Variants in LRRC8C observed in about 807,000 individuals in gnomAD.
The protein encoded by LRRC8C is volume-regulated anion channel subunit LRRC8C.
A neutral mutation model predicts 55.3 loss-of-function variants in LRRC8C; 20 were observed. That is an observed-to-expected ratio of 0.36 (90% CI 0.25 to 0.53). LRRC8C has a LOEUF of 0.53. LRRC8C is among the 20% of genes least tolerant of loss of function. LRRC8C has a pLI of 0.92. For missense variants in LRRC8C, 659 were observed against 951.4 expected (o/e 0.69, Z 4.04); for synonymous variants, 376 against 360.7 (o/e 1.04, Z -0.48).
chr1:89,715,349 A>G lies in LRRC8C; in HGVS notation c.*367A>G, dbSNP rs1658787988. The G allele has an allele frequency of 6.3e-6, 1 of 159,768 alleles. No homozygotes were observed. Among genetic ancestry groups the G allele is most frequent in the Non-Finnish European group, 1.4e-5 (1 of 73,616 alleles). 9.9% of individuals were successfully genotyped at this position (159,768 alleles called of 1,614,324 possible). ...TGCCAAGGCCATTTTTAACTTGTTT[A>G]CACCTGTACAGGGTTCTTATTTTTG... On this transcript the variant is annotated 3_prime_UTR_variant, in exon 3 of 3. Transcript: ENST00000370454.
intron 1 of LRRC8C, among the ~76,000 whole-genome samples, chr1:89,643,587 ATAAGT>A (rs1394958546): frequency 1.3e-5 from 2 of 152,240 alleles, no homozygotes; most frequent in African/African-American, 2.4e-5. Flanking sequence ...TATGATAAGA[ATAAGT>A]AAAGTTTATG....
intron 2 of LRRC8C, among the ~76,000 whole-genome samples, chr1:89,706,910 T>C (rs1658496461): frequency 6.6e-6 from 1 of 152,194 alleles, no homozygotes; most frequent in African/African-American, 2.4e-5. Context: ...ACATGATGAT[T>C]TGCAGATCAG....
rs1420878526 is a variant in LRRC8C at position 89,715,842 on chromosome 1, A to G, written c.*860A>G. 6.6e-6 allele frequency: 1 copy of G among 152,170 alleles called. No individual in the cohort carries two copies. 9.4% of individuals were successfully genotyped at this position (152,170 alleles called of 1,614,324 possible). ...ATTTAATCATCTTTCATATCTTGAT[A>G]TGCAGCTGCATCAGATGGAAAAAAA... On this transcript the variant is annotated 3_prime_UTR_variant, in exon 3 of 3. Transcript: ENST00000370454.
chr1:89,634,692 T>C (rs1656229918), intron 1 of LRRC8C, among the ~76,000 whole-genome samples: 1 of 152,258 alleles, frequency 6.6e-6, no homozygotes, highest in Non-Finnish European at 1.5e-5. Flanking sequence ...TAATCTGAGC[T>C]GCATAAAACT....
intron 1 of LRRC8C, among the ~76,000 whole-genome samples, chr1:89,647,976 G>A (rs906205409): frequency 2.0e-5 from 3 of 152,172 alleles, no homozygotes; most frequent in Non-Finnish European, 4.4e-5. Flanking sequence ...GGCTGAGGCG[G>A]GAGGATGGCT....
At chr1:89,661,850 T>C (rs887386148) in intron 1 of LRRC8C, among the ~76,000 whole-genome samples, 1 of 151,356 alleles carries the variant, frequency 6.6e-6, no homozygotes, top group Non-Finnish European at 1.5e-5. Context: ...CAGTATTATC[T>C]AAACAAGAGG....
chr1:89,660,349 T>C (rs990820951), intron 1 of LRRC8C, among the ~76,000 whole-genome samples: 6 of 152,160 alleles, frequency 3.9e-5, no homozygotes, highest in Non-Finnish European at 5.9e-5. Context: ...CAACCTCACC[T>C]ACATGTTGGA....
chr1:89,690,382 GAT>G, intron 2 of LRRC8C, among the ~76,000 whole-genome samples: 1 of 152,134 alleles, frequency 6.6e-6, no homozygotes, highest in Non-Finnish European at 1.5e-5. Flanking sequence ...GAGAAGGTTA[GAT>G]TTGGGGTGGC....
At chr1:89,680,208 G>T (rs1478585497) in intron 1 of LRRC8C, among the ~76,000 whole-genome samples, 1 of 151,822 alleles carries the variant, frequency 6.6e-6, no homozygotes, top group Non-Finnish European at 1.5e-5. Flanking sequence ...CTCCCGAGTA[G>T]CTGGGACTAC....
intron 1 of LRRC8C, among the ~76,000 whole-genome samples, chr1:89,666,692 C>A (rs1181934053): frequency 6.6e-6 from 1 of 152,166 alleles, no homozygotes; most frequent in African/African-American, 2.4e-5. Flanking sequence ...TTCTGTTAGT[C>A]ACATAAACAT....
chr1:89,688,039 TA>T (rs1308584238), intron 2 of LRRC8C, among the ~76,000 whole-genome samples: 1 of 152,202 alleles, frequency 6.6e-6, no homozygotes, highest in Non-Finnish European at 1.5e-5. Flanking sequence ...TAGCCTCACT[TA>T]CAAATGAGAC....
intron 1 of LRRC8C, among the ~76,000 whole-genome samples, chr1:89,666,106 C>T (rs770550779): frequency 1.3e-5 from 2 of 152,054 alleles, no homozygotes; most frequent in Admixed American, 6.6e-5. Context: ...CCTAATGATG[C>T]GTTTCTCAGA....
intron 1 of LRRC8C, among the ~76,000 whole-genome samples, chr1:89,663,546 G>T (rs1427010006): frequency 1.1e-4 from 17 of 151,248 alleles, no homozygotes; most frequent in Non-Finnish European, 2.4e-4. Flanking sequence ...CTCCAGCCTG[G>T]GCGACAGAGC....
chr1:89,647,711 A>G (rs1454129613), intron 1 of LRRC8C, among the ~76,000 whole-genome samples: 1 of 152,230 alleles, frequency 6.6e-6, no homozygotes, highest in Non-Finnish European at 1.5e-5. Context: ...CTACTTAGCT[A>G]CTTCAAAAAA....
intron 2 of LRRC8C, among the ~76,000 whole-genome samples, chr1:89,693,646 C>CTTTTTTTTTTTTTTTTTTTTTT (rs35427989): frequency 3.6e-5 from 3 of 82,692 alleles, no homozygotes; most frequent in East Asian, 2.4e-4. Flanking sequence ...TCTTTTCTTC[C>CTTTTTTTTTTTTTTTTTTTTTT]TTTTTTTTTT....
chr1:89,710,118 G>A (rs1658608606), intron 2 of LRRC8C, among the ~76,000 whole-genome samples: 1 of 152,164 alleles, frequency 6.6e-6, no homozygotes, highest in Admixed American at 6.5e-5. Context: ...CTTGAAGAAT[G>A]TGCTCAAGGA....
intron 1 of LRRC8C, among the ~76,000 whole-genome samples, chr1:89,677,241 A>G (rs1657576859): frequency 6.6e-6 from 1 of 152,196 alleles, no homozygotes; most frequent in Admixed American, 6.5e-5. Flanking sequence ...CTTTCCAAAT[A>G]ATGTAATTGG....
At chr1:89,647,399 A>G (rs923771660) in intron 1 of LRRC8C, among the ~76,000 whole-genome samples, 2 of 152,228 alleles carry the variant, frequency 1.3e-5, no homozygotes, top group South Asian at 2.1e-4. Flanking sequence ...AGTATTGCCT[A>G]GCTTATTTAC....
the LRRC8C span, among the ~76,000 whole-genome samples, chr1:89,623,434 C>T: frequency 6.6e-6 from 1 of 152,096 alleles, no homozygotes; most frequent in Non-Finnish European, 1.5e-5. Context: ...ATAAATGCCA[C>T]AAGAGAGGCT....
Sources: allele counts gnomAD v4.1 joint callset (sites outside exome capture counted in the v4.1 genomes callset), GRCh38; gene constraint gnomAD v4.1.1; transcripts MANE v1.5; gene names NCBI Gene and HGNC (gene_info 2026-07-23, HGNC 2026-07-21).